The following COQ7 variants were observed in gnomAD, a reference collection of about 807,000 sequenced individuals.
The protein encoded by COQ7 is coenzyme Q7, hydroxylase, also known as NADPH-dependent 3-demethoxyubiquinone 3-hydroxylase, mitochondrial.
Under a neutral mutation model 25.0 loss-of-function variants are expected in COQ7, and 21 were observed. The observed-to-expected ratio is 0.84, with a 90% CI of 0.60 to 1.21. The LOEUF (loss-of-function observed/expected upper bound fraction) is 1.21, where lower values mean the gene tolerates loss of function less well. Ranked by LOEUF, COQ7 falls within the 50% of genes most tolerant of loss-of-function variation. The pLI is 0.00. For synonymous variants in COQ7, 125 were observed against 112.4 expected (o/e 1.11, Z -0.71); for missense variants, 311 against 296.2 (o/e 1.05, Z -0.37).
In COQ7 at chr16:19,078,301, T is replaced by A. The variant is rs1567543223; in HGVS notation, c.*143T>A. 30 of 607,958 alleles carry A rather than the reference T, an allele frequency of 4.9e-5. No individual in the cohort carries two copies. Among genetic ancestry groups the A allele is most frequent in the Middle Eastern group, 4.8e-4 (1 of 2,092 alleles). 37.7% of individuals were successfully genotyped at this position (607,958 alleles called of 1,614,324 possible). On this transcript the variant is annotated 3_prime_UTR_variant, in exon 6 of 6. Transcript: ENST00000321998. ...ATTATAAGGTTTGTTTTTTTTTTTT[T>A]AAACTCTGCAGTGTTGATTTTTCTC...
chr16:19,069,909 G>C (rs1433560197), intron 1 of COQ7, among the ~76,000 whole-genome samples: 3 of 151,948 alleles, frequency 2.0e-5, no homozygotes, highest in African/African-American at 7.3e-5. Context: ...TCAGCCTCCT[G>C]AGTAGCTGGG....
At position 19,067,625 on chromosome 16, in the gene COQ7, G is replaced by A. The variant is rs778639781; in HGVS notation, c.-40G>A. The A allele has an allele frequency of 2.5e-6, 4 of 1,612,684 alleles. No individual in the cohort carries two copies. The highest frequency in any genetic ancestry group is 2.2e-5 in the South Asian group (2 of 91,040). On this transcript the variant is annotated 5_prime_UTR_variant, in exon 1 of 6. Transcript: ENST00000321998. ...TCCGAGCCAAGGGCACTATTGGCCA[G>A]TTCCGTTCAACGAAGTGGTTGCTTT...
rs1286033614 is a variant in COQ7 at position 19,077,448 on chromosome 16, T to C, written c.576+74T>C. 5 of 1,281,468 alleles carry C rather than the reference T, an allele frequency of 3.9e-6. No individual in the cohort carries two copies. In the African/African-American group the frequency reaches 5.9e-5, roughly 15 times the overall value. 79.4% of individuals were successfully genotyped at this position (1,281,468 alleles called of 1,614,324 possible). On this transcript the variant is annotated intron_variant, in intron 5 of 5. Coordinates refer to ENST00000321998, the MANE Select transcript of COQ7 (RefSeq NM_016138.5). Reference sequence around the variant, plus strand: ...GGCTGAAGGGGCAGGAGGTTTCTGTTGCCAGAAAAATACATTTTAAAGTGA... The same window carrying C: ...GGCTGAAGGGGCAGGAGGTTTCTGTCGCCAGAAAAATACATTTTAAAGTGA...
chr16:19,071,998 T>C lies in COQ7; in HGVS notation c.144T>C (p.Ala48=). 6.2e-7 allele frequency: 1 copy of C among 1,614,244 alleles called. No individual in the cohort carries two copies. The highest frequency in any genetic ancestry group is 8.5e-7 in the Non-Finnish European group (1 of 1,180,046). The change falls in exon 2 of 6, where the codon GCT becomes GCC. Residue 48 remains alanine (A), a synonymous_variant. Coordinates refer to ENST00000321998, the MANE Select transcript of COQ7 (RefSeq NM_016138.5). Reference sequence around the variant, plus strand: ...CTTTAGACAATATCAGTCGGGCAGCTGTGGATCGAATAATCCGGGTGGATC... The same window carrying C: ...CTTTAGACAATATCAGTCGGGCAGCCGTGGATCGAATAATCCGGGTGGATC... ...GMTLDNISRA[A]VDRIIRVDHA...
At chr16:19,068,728 C>T (rs939839083) in intron 1 of COQ7, 7 of 250,644 alleles carry the variant, frequency 2.8e-5, no homozygotes, top group Admixed American at 5.1e-5. Flanking sequence ...GTACCACTTT[C>T]GGGATTTTTG....
At chr16:19,077,590 C>CTTTTTTTTTTTTTTGTTTTTTTTT (rs60523088) in intron 5 of COQ7, among the ~76,000 whole-genome samples, 1 of 74,378 alleles carries the variant, frequency 1.3e-5, no homozygotes, top group Non-Finnish European at 2.6e-5. Flanking sequence ...TCCCCAGAAG[C>CTTTTTTTTTTTTTTGTTTTTTTTT]TTTTTTTTTT....
In COQ7 at chr16:19,078,429, T is replaced by C. The variant is rs1962975043; in HGVS notation, c.*271T>C. 8.8e-6 allele frequency: 2 copies of C among 227,440 alleles called. No individual in the cohort carries two copies. Among genetic ancestry groups the C allele is most frequent in the South Asian group, 3.5e-4 (2 of 5,716 alleles). The allele number at this position is 227,440 out of a possible 1,614,324, so 14.1% of individuals were successfully genotyped here. On this transcript the variant is annotated 3_prime_UTR_variant, in exon 6 of 6. Transcript: ENST00000321998. ...TGGTCTCATACTTAATTTTCTTTTA[T>C]ATACATGTTTTTCTTTTACATGCAT...
intron 1 of COQ7, chr16:19,068,219 C>A (rs1962341649): frequency 3.9e-6 from 4 of 1,017,588 alleles, no homozygotes; most frequent in Non-Finnish European, 1.2e-6. Context: ...GATCTGTGAA[C>A]AGGACCTTTA....
downstream of COQ7, among the ~76,000 whole-genome samples, chr16:19,082,552 G>T (rs1361566669): frequency 6.6e-6 from 1 of 152,048 alleles, no homozygotes; most frequent in Non-Finnish European, 1.5e-5. Flanking sequence ...TTGGGAGGCT[G>T]AGGCAGGTGC....
intron 1 of COQ7, chr16:19,068,182 AC>A (rs1962338729): frequency 9.7e-7 from 1 of 1,028,942 alleles, no homozygotes; most frequent in Admixed American, 5.2e-5. Flanking sequence ...CTCGGGCCCC[AC>A]CCCGACCTAC....
At chr16:19,075,442 C>CCT (rs1555522396) in intron 3 of COQ7, among the ~76,000 whole-genome samples, 4 of 151,746 alleles carry the variant, frequency 2.6e-5, no homozygotes, top group East Asian at 3.9e-4. Flanking sequence ...TCAGGTGATC[C>CCT]GCCTCGGCCT....
chr16:19,076,256 T>TTA (rs1962834408), intron 4 of COQ7, among the ~76,000 whole-genome samples: 1 of 142,292 alleles, frequency 7.0e-6, no homozygotes, highest in Non-Finnish European at 1.5e-5. Flanking sequence ...CACAGCTAAT[T>TTA]TTTTTTTTTT....
rs1241608211 is a variant in COQ7, at chr16:19,071,190, C to T, written c.74-738C>T. Among the ~76,000 whole-genome samples, 4 of 152,148 alleles carry T rather than the reference C, an allele frequency of 2.6e-5. No individual in the cohort carries two copies. The East Asian group carries it at 7.7e-4, about 29-fold the overall frequency. On this transcript the variant is annotated intron_variant, in intron 1 of 5. Coordinates refer to ENST00000321998, the MANE Select transcript of COQ7 (RefSeq NM_016138.5). Reference sequence around the variant, plus strand: ...TCACTCTGTTGCCCAGGCTGGAGTGCAGTGGCACGATCTTGGCTCACGGCA... The same window carrying T: ...TCACTCTGTTGCCCAGGCTGGAGTGTAGTGGCACGATCTTGGCTCACGGCA...
At chr16:19,077,590 C>CTGTTTTTTTTTTTTT (rs1555522739) in intron 5 of COQ7, among the ~76,000 whole-genome samples, 1 of 74,378 alleles carries the variant, frequency 1.3e-5, no homozygotes, top group Non-Finnish European at 2.6e-5. Context: ...TCCCCAGAAG[C>CTGTTTTTTTTTTTTT]TTTTTTTTTT....
At chr16:19,067,961 G>A (rs1183339098) in intron 1 of COQ7, 8 of 1,424,418 alleles carry the variant, frequency 5.6e-6, no homozygotes, top group African/African-American at 4.4e-5. Flanking sequence ...CGGCAGTGAC[G>A]CCTGGGGAGT....
At chr16:19,072,914 T>C (rs974942999) in intron 2 of COQ7, among the ~76,000 whole-genome samples, 1 of 152,198 alleles carries the variant, frequency 6.6e-6, no homozygotes, top group Admixed American at 6.5e-5. Flanking sequence ...CTCACGCCTG[T>C]AATCCCAGCA....
chr16:19,074,290 C>G (rs967752960), intron 3 of COQ7, among the ~76,000 whole-genome samples: 2 of 151,836 alleles, frequency 1.3e-5, no homozygotes, highest in African/African-American at 4.8e-5. Flanking sequence ...CTTTGGGAGG[C>G]CGAGGCGGGC....
intron 1 of COQ7, 79 bp downstream of exon 1, chr16:19,067,816 G>A (rs1447705262): frequency 1.5e-5 from 23 of 1,554,532 alleles, no homozygotes; most frequent in Non-Finnish European, 1.9e-5. Context: ...GGGTCGAAGA[G>A]GTCACGGGGG....
At chr16:19,071,731 G>T in intron 1 of COQ7, 197 bp from the exon 2 acceptor site, 1 of 607,312 alleles carries the variant, frequency 1.6e-6, no homozygotes, top group Non-Finnish European at 2.9e-6. Context: ...TACACTTAAA[G>T]TGAAACCAGA....
Sources: gnomAD v4.1 joint callset for allele counts (sites outside exome capture counted in the v4.1 genomes callset) on GRCh38, gnomAD v4.1.1 for gene constraint, MANE v1.5 for transcripts, NCBI Gene and HGNC (gene_info 2026-07-23, HGNC 2026-07-21) for gene names.